The following PPM1E variants were observed in gnomAD, a reference collection of about 807,000 sequenced individuals.
PPM1E encodes the protein protein phosphatase 1E.
Under a neutral mutation model 65.9 loss-of-function variants are expected in PPM1E, and 20 were observed. The observed-to-expected ratio is 0.30, with a 90% CI of 0.21 to 0.44. The LOEUF is 0.44. Among genes scored for constraint, PPM1E ranks in the 20% least tolerant of loss-of-function variants. The pLI is 1.00. For missense variants in PPM1E, 713 were observed against 953.1 expected, an observed-to-expected ratio of 0.75 and a Z score of 3.32; for synonymous variants, 352 against 374.9, an observed-to-expected ratio of 0.94 and a Z score of 0.70.
At chr17:58,935,191 C>T (rs2051962061) in intron 1 of PPM1E, among the ~76,000 whole-genome samples, 1 of 147,200 alleles carries the variant, frequency 6.8e-6, no homozygotes, top group Non-Finnish European at 1.5e-5. Flanking sequence ...ACGGAGGTTG[C>T]AGTGAGCTGA....
At chr17:58,979,334 C>A (rs2031226920) in intron 6 of PPM1E, among the ~76,000 whole-genome samples, 1 of 152,188 alleles carries the variant, frequency 6.6e-6, no homozygotes, top group South Asian at 2.1e-4. Context: ...GGTTGGGAAT[C>A]AAGAAAACTG....
chr17:58,961,196 A>G (rs1289459651), intron 2 of PPM1E, among the ~76,000 whole-genome samples: 1 of 152,244 alleles, frequency 6.6e-6, no homozygotes, highest in Non-Finnish European at 1.5e-5. Flanking sequence ...AGATGCTGAG[A>G]TGAGTGAAGC....
chr17:58,899,483 T>TCA, intron 1 of PPM1E: 1 of 231,068 alleles, frequency 4.3e-6, no homozygotes, highest in Middle Eastern at 2.1e-3. Context: ...CCTGTGTATG[T>TCA]CACGTTGGTG....
chr17:58,792,251 T>A lies in PPM1E; in HGVS notation c.464+35790T>A, dbSNP rs182775139. ...GTATCTTGCCTTATACAATAATAATTATTATAGTAATAATAATTATTACTA... is the reference window on the plus strand; with the variant it reads ...GTATCTTGCCTTATACAATAATAATAATTATAGTAATAATAATTATTACTA... On this transcript the variant is annotated intron_variant, in intron 1 of 6. Coordinates refer to ENST00000308249, the MANE Select transcript of PPM1E (RefSeq NM_014906.5). Among the ~76,000 whole-genome samples the A allele has an allele frequency of 4.0e-5, 6 of 148,642 alleles. No homozygotes were observed. The East Asian group carries it at 1.2e-3, about 29-fold the overall frequency.
At chr17:58,801,766 AT>A (rs564976133) in intron 1 of PPM1E, among the ~76,000 whole-genome samples, 2 of 135,862 alleles carry the variant, frequency 1.5e-5, no homozygotes, top group African/African-American at 2.8e-5. Context: ...TTTAATTTTT[AT>A]TTTTTTTGAG....
chr17:58,839,052 G>A (rs572068202), intron 1 of PPM1E, among the ~76,000 whole-genome samples: 28 of 88,092 alleles, frequency 3.2e-4, no homozygotes, highest in African/African-American at 1.3e-3. Context: ...GAAGCAGAGT[G>A]GTATTTTAGG....
At chr17:58,965,591 G>A (rs1242516084) in intron 2 of PPM1E, 103 bp from the exon 3 acceptor site, 1 of 1,062,830 alleles carries the variant, frequency 9.4e-7, no homozygotes, top group East Asian at 2.4e-5. Flanking sequence ...TTCTATGAAG[G>A]AGGAACTTGA....
rs747604902 is a variant in PPM1E at position 58,881,308 on chromosome 17, G to A, written c.465-74341G>A. On this transcript the variant is annotated intron_variant, in intron 1 of 6. Coordinates refer to ENST00000308249, the MANE Select transcript of PPM1E (RefSeq NM_014906.5). ...CTTTGGAGGCTGAGGCAGGTGGATC[G>A]CCTTGAGCCCAGGAGTTTGAGACCA... 3.0e-4 allele frequency among the ~76,000 whole-genome samples: 46 copies of A among 152,154 alleles called. 1 individual carries two copies. The highest frequency in any genetic ancestry group is 8.5e-4 in the Admixed American group (13 of 15,278).
intron 1 of PPM1E, among the ~76,000 whole-genome samples, chr17:58,809,647 T>G (rs1322581038): frequency 6.6e-6 from 1 of 152,200 alleles, no homozygotes; most frequent in African/African-American, 2.4e-5. Context: ...CCTTCCAAAG[T>G]GCTGGGATTA....
intron 1 of PPM1E, among the ~76,000 whole-genome samples, chr17:58,933,659 G>T (rs1359679635): frequency 6.6e-6 from 1 of 151,932 alleles, no homozygotes; most frequent in East Asian, 1.9e-4. Flanking sequence ...AGCTGGGCAT[G>T]GTGGCGGGCG....
At chr17:58,851,853 G>T (rs926196615) in intron 1 of PPM1E, among the ~76,000 whole-genome samples, 1 of 152,236 alleles carries the variant, frequency 6.6e-6, no homozygotes, top group Admixed American at 6.5e-5. Context: ...GCTGCCTTTT[G>T]TTCAGCTATG....
intron 1 of PPM1E, among the ~76,000 whole-genome samples, chr17:58,805,980 A>AC (rs1465963368): frequency 4.6e-5 from 5 of 107,964 alleles, no homozygotes; most frequent in African/African-American, 1.2e-4. Flanking sequence ...AAAACAAAAA[A>AC]AAAACAAAAC....
chr17:58,780,876 T>C (rs1042876625), intron 1 of PPM1E, among the ~76,000 whole-genome samples: 3 of 152,162 alleles, frequency 2.0e-5, no homozygotes, highest in Non-Finnish European at 2.9e-5. Context: ...CATTGGGAAT[T>C]TTTGTATTGG....
At chr17:58,963,279 C>T (rs193212167) in intron 2 of PPM1E, among the ~76,000 whole-genome samples, 2,283 of 150,238 alleles carry the variant, frequency 0.015, 56 homozygotes, top group African/African-American at 0.052. Context: ...CCCAGCTACT[C>T]GGGAGGCTGA....
chr17:58,803,185 C>G (rs1487734349), intron 1 of PPM1E, among the ~76,000 whole-genome samples: 1 of 152,088 alleles, frequency 6.6e-6, no homozygotes, highest in African/African-American at 2.4e-5. Context: ...AGCTTTTCAC[C>G]ATTAAGTATG....
chr17:58,854,651 A>G (rs1003501698), intron 1 of PPM1E, among the ~76,000 whole-genome samples: 1 of 152,094 alleles, frequency 6.6e-6, no homozygotes, highest in African/African-American at 2.4e-5. Flanking sequence ...ACATCAATTG[A>G]GATGATCATG....
intron 1 of PPM1E, among the ~76,000 whole-genome samples, chr17:58,935,120 G>A (rs180803707): frequency 0.011 from 1,659 of 150,736 alleles, 34 homozygotes; most frequent in African/African-American, 0.039. Flanking sequence ...GCGCAGTGGC[G>A]GGTGCCTGTA....
intron 1 of PPM1E, among the ~76,000 whole-genome samples, chr17:58,789,499 A>C (rs2050135374): frequency 6.6e-6 from 1 of 152,058 alleles, no homozygotes; most frequent in African/African-American, 2.4e-5. Context: ...TTAAATTTAC[A>C]CTGCTTTCAT....
intron 1 of PPM1E, among the ~76,000 whole-genome samples, chr17:58,833,681 C>A (rs2050626476): frequency 6.6e-6 from 1 of 152,080 alleles, no homozygotes; most frequent in Admixed American, 6.6e-5. Flanking sequence ...AATAGTGCTG[C>A]AGTGAACATG....
Sources: allele counts gnomAD v4.1 joint callset (sites outside exome capture counted in the v4.1 genomes callset), GRCh38; gene constraint gnomAD v4.1.1; transcripts MANE v1.5; gene names NCBI Gene and HGNC (gene_info 2026-07-23, HGNC 2026-07-21).